The following MYO9B variants were observed in gnomAD, a reference collection of about 807,000 sequenced individuals.
The protein encoded by MYO9B is myosin IXB.
Under a neutral mutation model 229.5 loss-of-function variants are expected in MYO9B, and 71 were observed. That is an observed-to-expected ratio of 0.31 (90% CI 0.26 to 0.38). MYO9B has a LOEUF of 0.38. Ranked by LOEUF, MYO9B falls within the 10% of genes least tolerant of loss-of-function variation. The pLI is 1.00. For synonymous variants in MYO9B, 1,185 were observed against 1,235.8 expected (o/e 0.96, Z 0.86); for missense variants, 2,255 against 2,920.5 (o/e 0.77, Z 5.25).
chr19:17,094,835 A>T (rs1392966941), intron 1 of MYO9B, among the ~76,000 whole-genome samples: 1 of 152,082 alleles, frequency 6.6e-6, no homozygotes, highest in East Asian at 1.9e-4. Flanking sequence ...CCAGCTGCTC[A>T]GGAGGCTGAG....
At chr19:17,164,782 TA>T (rs1366153542) in intron 10 of MYO9B, among the ~76,000 whole-genome samples, 1 of 152,226 alleles carries the variant, frequency 6.6e-6, no homozygotes, top group Non-Finnish European at 1.5e-5. Flanking sequence ...CAGGCTTATG[TA>T]AATATCCAGC....
chr19:17,092,587 G>T (rs936879423), intron 1 of MYO9B, among the ~76,000 whole-genome samples: 1 of 152,068 alleles, frequency 6.6e-6, no homozygotes. Flanking sequence ...TTAGCCAGAC[G>T]TGGTGATGCA....
intron 25 of MYO9B, 77 bp downstream of exon 25, chr19:17,200,503 G>A: frequency 6.6e-7 from 1 of 1,516,696 alleles, no homozygotes; most frequent in Non-Finnish European, 8.8e-7. Context: ...CCCAAACGGG[G>A]CCTTGAGTTG....
intron 10 of MYO9B, among the ~76,000 whole-genome samples, chr19:17,163,757 C>T (rs1247835159): frequency 2.6e-5 from 4 of 152,124 alleles, no homozygotes; most frequent in Admixed American, 2.0e-4. Flanking sequence ...TGGCTTATTT[C>T]GCATAGTATA....
At chr19:17,146,824 C>T (rs2072416967) in intron 3 of MYO9B, among the ~76,000 whole-genome samples, 1 of 152,178 alleles carries the variant, frequency 6.6e-6, no homozygotes. Flanking sequence ...CAGGGATCCC[C>T]CACTAACTAT....
chr19:17,087,605 T>C (rs932817307), intron 1 of MYO9B, among the ~76,000 whole-genome samples: 1 of 152,116 alleles, frequency 6.6e-6, no homozygotes, highest in African/African-American at 2.4e-5. Context: ...TAAGTACCTA[T>C]CCTGGGTGGC....
intron 1 of MYO9B, among the ~76,000 whole-genome samples, chr19:17,090,118 CTTTTTTT>C (rs59440394): frequency 2.0e-5 from 1 of 49,172 alleles, no homozygotes; most frequent in Non-Finnish European, 3.7e-5. Context: ...TGCTTCCTTC[CTTTTTTT>C]TTTTTTTTTT....
chr19:17,183,461 T>C (rs946877428), intron 15 of MYO9B, among the ~76,000 whole-genome samples: 1 of 152,194 alleles, frequency 6.6e-6, no homozygotes, highest in Non-Finnish European at 1.5e-5. Context: ...CTGGGGGATA[T>C]GTCAGTTCCT....
At chr19:17,204,300 T>A (rs1391587525) in intron 30 of MYO9B, among the ~76,000 whole-genome samples, 1 of 150,800 alleles carries the variant, frequency 6.6e-6, no homozygotes, top group African/African-American at 2.4e-5. Flanking sequence ...CAGCATTGTC[T>A]TTGCCCCGTG....
intron 7 of MYO9B, among the ~76,000 whole-genome samples, chr19:17,158,476 T>A (rs1041592638): frequency 6.6e-6 from 1 of 151,778 alleles, no homozygotes; most frequent in Non-Finnish European, 1.5e-5. Flanking sequence ...GTGCCTGTAG[T>A]CCCAGCTATT....
chr19:17,166,320 G>A (rs1209336983), intron 10 of MYO9B, among the ~76,000 whole-genome samples: 1 of 152,192 alleles, frequency 6.6e-6, no homozygotes, highest in Non-Finnish European at 1.5e-5. Context: ...TGGGATTACA[G>A]GCGTGAGCCA....
intron 20 of MYO9B, among the ~76,000 whole-genome samples, chr19:17,192,404 G>A (rs2072995595): frequency 2.0e-5 from 3 of 151,112 alleles, no homozygotes; most frequent in Admixed American, 6.6e-5. Context: ...AGACCAGCCT[G>A]GCCAACATGG....
At chr19:17,099,436 AATGT>A (rs1568660151) in intron 1 of MYO9B, 1 of 152,002 alleles carries the variant, frequency 6.6e-6, no homozygotes, top group Admixed American at 6.6e-5. Context: ...CTATTCAGGC[AATGT>A]GTATCCCAAA....
chr19:17,146,022 C>T (rs73010307), intron 3 of MYO9B, among the ~76,000 whole-genome samples: 485 of 147,366 alleles, frequency 3.3e-3, no homozygotes, highest in Admixed American at 8.1e-3. Flanking sequence ...TGGATTTGCA[C>T]GTAGATGGAT....
rs2073009113 is a variant in MYO9B at position 17,193,526 on chromosome 19, ACCCAGCTCTGCCACAAGTCAGGT to A, written c.3128+473_3128+495del. On this transcript the variant is annotated intron_variant, in intron 21 of 39. Transcript: ENST00000682292. This position sits in a 1 kb window ranked among gnomAD's most constrained non-coding sequence, Gnocchi z 4.3. ...GTTCACCTCTCCCCTGCCCACACAG[ACCCAGCTCTGCCACAAGTCAGGT>A]CCCAGCTCCCGGAGCAGGCCCTACC... Among the ~76,000 whole-genome samples the A allele has an allele frequency of 6.6e-6, 1 of 152,148 alleles. No individual in the cohort carries two copies. The highest frequency in any genetic ancestry group is 2.1e-4 in the South Asian group (1 of 4,810).
In MYO9B at chr19:17,129,537, CA is replaced by C. The variant is rs538349128; in HGVS notation, c.841-15859del. Among the ~76,000 whole-genome samples the C allele has an allele frequency of 1.3e-3, 202 of 152,344 alleles. 2 individuals carry two copies. The highest frequency in any genetic ancestry group is 4.6e-3 in the African/African-American group (193 of 41,584). On this transcript the variant is annotated intron_variant, in intron 2 of 39. Coordinates refer to ENST00000682292, the MANE Select transcript of MYO9B (RefSeq NM_004145.4). ...TGTGGCTAAACGTAACCAAACGTGT[CA>C]GGGCAGGTGGGCAGGGCATGGGCCA... is the stretch of plus-strand genomic sequence containing the variant.
chr19:17,189,161 CAAA>C (rs35791077), intron 19 of MYO9B, among the ~76,000 whole-genome samples: 1 of 133,764 alleles, frequency 7.5e-6, no homozygotes. Context: ...AACTCTGCCT[CAAA>C]AAAAAAAAAA....
rs765918109 is a variant in MYO9B at position 17,198,258 on chromosome 19, ATCC to A, written c.4192_4194del (p.Ser1398del). ...TCCAGAAGAAGAAGCCAGGCGACGC[ATCC>A]TCCCTCCCAGACGCAGGGCTGTCCC... On this transcript the variant is annotated inframe_deletion, in exon 24 of 40. Coordinates refer to ENST00000682292, the MANE Select transcript of MYO9B (RefSeq NM_004145.4). 7 of 1,613,918 alleles carry A rather than the reference ATCC, an allele frequency of 4.3e-6. No homozygotes were observed. Among genetic ancestry groups the A allele is most frequent in the Non-Finnish European group, 5.9e-6 (7 of 1,179,886 alleles).
intron 1 of MYO9B, among the ~76,000 whole-genome samples, chr19:17,085,230 T>C (rs899343121): frequency 1.3e-5 from 2 of 151,996 alleles, no homozygotes; most frequent in African/African-American, 2.4e-5. Context: ...GATCAGAAAA[T>C]GGAACGAGCT....
Sources: allele counts gnomAD v4.1 joint callset (sites outside exome capture counted in the v4.1 genomes callset), GRCh38; gene constraint gnomAD v4.1.1; non-coding constraint Gnocchi (gnomAD v3.1); transcripts MANE v1.5; gene names NCBI Gene and HGNC (gene_info 2026-07-23, HGNC 2026-07-21).